VPS37A: variants seen among roughly 807,000 people sequenced by gnomAD.
VPS37A encodes the protein vacuolar protein sorting-associated protein 37A.
In VPS37A, 30 loss-of-function variants were observed where a neutral mutation model predicts 49.8. The observed-to-expected ratio is 0.60, with a 90% CI of 0.45 to 0.82. The LOEUF is 0.82. Ranked by LOEUF, VPS37A falls within the 40% of genes least tolerant of loss-of-function variation. The pLI, the probability that VPS37A is intolerant of heterozygous loss-of-function variation, is 0.00. For synonymous variants in VPS37A, 195 were observed against 160.6 expected (o/e 1.21, Z -1.62); for missense variants, 593 against 464.4 (o/e 1.28, Z -2.55).
chr8:17,325,936 C>G, the VPS37A span, among the ~76,000 whole-genome samples: 8 of 152,174 alleles, frequency 5.3e-5, no homozygotes, highest in Non-Finnish European at 1.2e-4. Context: ...TATTGCTTCC[C>G]AAGAGAAAGC....
chr8:17,263,655 TA>T (rs1813169951), intron 1 of VPS37A, among the ~76,000 whole-genome samples: 1 of 152,194 alleles, frequency 6.6e-6, no homozygotes, highest in African/African-American at 2.4e-5. Context: ...AAATTTTCTA[TA>T]AAAATCTGAA....
intron 1 of VPS37A, among the ~76,000 whole-genome samples, chr8:17,252,161 C>A (rs1210208465): frequency 1.3e-5 from 2 of 152,180 alleles, no homozygotes; most frequent in East Asian, 3.9e-4. Flanking sequence ...ATTAAAATTT[C>A]CAGGTTTCCT....
At position 17,284,475 on chromosome 8, in the gene VPS37A, C is replaced by G. The variant is rs1815399331; in HGVS notation, c.972C>G (p.Ser324Arg). ...KMQRQHELSE[S>R]CSASALQARL... ...TAGTGCCTGATTTTCTTTTTCAGAGCTGTAGTGCAAGTGCCCTTCAGGCAA... is the reference window on the plus strand; with the variant it reads ...TAGTGCCTGATTTTCTTTTTCAGAGGTGTAGTGCAAGTGCCCTTCAGGCAA... Residue 324 changes from serine to arginine, a missense_variant and splice_region_variant, in exon 10 of 12, where the codon AGC (serine) becomes AGG (arginine). Coordinates refer to ENST00000324849, the MANE Select transcript of VPS37A (RefSeq NM_152415.3). 1 of 1,569,832 alleles carries G rather than the reference C, an allele frequency of 6.4e-7. No individual in the cohort carries two copies. Among genetic ancestry groups the G allele is most frequent in the African/African-American group, 1.4e-5 (1 of 71,804 alleles).
At chr8:17,255,919 T>C (rs1292825510) in intron 1 of VPS37A, among the ~76,000 whole-genome samples, 2 of 152,236 alleles carry the variant, frequency 1.3e-5, no homozygotes, top group East Asian at 3.8e-4. Context: ...ATGCCACATT[T>C]TCTTTATCCA....
chr8:17,282,172 T>C (rs1815123844), intron 9 of VPS37A, among the ~76,000 whole-genome samples: 1 of 152,082 alleles, frequency 6.6e-6, no homozygotes, highest in African/African-American at 2.4e-5. Flanking sequence ...TAAAACAGTA[T>C]AGTAGTTTTA....
intron 6 of VPS37A, 185 bp from the exon 7 acceptor site, chr8:17,279,843 G>T (rs1334151000): frequency 5.6e-6 from 4 of 712,382 alleles, no homozygotes; most frequent in Non-Finnish European, 9.8e-6. Context: ...ATTACAGACT[G>T]CTCTATGTTC....
the VPS37A span, among the ~76,000 whole-genome samples, chr8:17,330,814 T>C: frequency 1.3e-5 from 2 of 152,190 alleles, no homozygotes; most frequent in African/African-American, 4.8e-5. Context: ...GTTATTGCTT[T>C]AAATGTAGGA....
chr8:17,322,011 AG>A, the VPS37A span, among the ~76,000 whole-genome samples: 1 of 119,322 alleles, frequency 8.4e-6, no homozygotes, highest in African/African-American at 4.1e-5. Context: ...GGGGTCAGTG[AG>A]GGTGCAGAAA....
downstream of VPS37A, chr8:17,298,526 A>G (rs1298325172): frequency 6.6e-6 from 1 of 152,536 alleles, no homozygotes; most frequent in Non-Finnish European, 1.5e-5. Context: ...ATTTCAGCGA[A>G]ATGTAATAAT....
Position 17,286,281 on chromosome 8 carries a change from T to G in VPS37A, c.1114-66T>G. 3.1e-6 allele frequency: 4 copies of G among 1,291,554 alleles called. No individual in the cohort carries two copies. In the Admixed American group the frequency reaches 6.0e-5, roughly 19 times the overall value. The allele number at this position is 1,291,554 out of a possible 1,614,324, so 80.0% of individuals were successfully genotyped here. On this transcript the variant is annotated intron_variant, in intron 10 of 11. Coordinates refer to ENST00000324849, the MANE Select transcript of VPS37A (RefSeq NM_152415.3). ...AAGTTAAAAGCTTCCTGTCATACTG[T>G]TGGAAGTAAAGTAGTAGGCATATCT...
At chr8:17,302,313 C>T, downstream of VPS37A, 1 of 1,585,860 alleles carries the variant, frequency 6.3e-7, no homozygotes, top group African/African-American at 1.4e-5. Context: ...GTGATACCAC[C>T]TTATCACAGT....
chr8:17,279,931 C>A, intron 6 of VPS37A, 97 bp from the exon 7 acceptor site: 1 of 1,493,640 alleles, frequency 6.7e-7, no homozygotes, highest in Non-Finnish European at 9.3e-7. Flanking sequence ...TATTTAGAAC[C>A]CTATCAGTTA....
downstream of VPS37A, among the ~76,000 whole-genome samples, chr8:17,306,184 A>G (rs548602153): frequency 6.6e-6 from 1 of 152,316 alleles, no homozygotes; most frequent in East Asian, 1.9e-4. Flanking sequence ...TATAGTTACA[A>G]AAGAAAGTGT....
the VPS37A span, among the ~76,000 whole-genome samples, chr8:17,308,302 G>A: frequency 2.6e-5 from 4 of 152,130 alleles, no homozygotes; most frequent in South Asian, 2.1e-4. Context: ...ACTGCCTAGC[G>A]TGTAATATTA....
chr8:17,274,540 T>C (rs1387736608), intron 4 of VPS37A, among the ~76,000 whole-genome samples, 193 bp from the exon 5 acceptor site: 3 of 145,096 alleles, frequency 2.1e-5, no homozygotes, highest in African/African-American at 7.5e-5. Flanking sequence ...TTCTTTTTTT[T>C]CGGGGGGGTG....
At chr8:17,316,464 TAA>T in the VPS37A span, among the ~76,000 whole-genome samples, 142 of 143,466 alleles carry the variant, frequency 9.9e-4, no homozygotes, top group Admixed American at 2.5e-3. Flanking sequence ...AACAGTACAG[TAA>T]AAAAAAAAAA....
At chr8:17,270,062 C>G (rs1813831071) in intron 4 of VPS37A, among the ~76,000 whole-genome samples, 1 of 151,816 alleles carries the variant, frequency 6.6e-6, no homozygotes, top group African/African-American at 2.4e-5. Context: ...GGTACCACAC[C>G]CTTTTAAACA....
At chr8:17,283,254 C>T (rs1218657567) in intron 9 of VPS37A, among the ~76,000 whole-genome samples, 17 of 152,114 alleles carry the variant, frequency 1.1e-4, no homozygotes, top group Admixed American at 1.0e-3. Flanking sequence ...CTCCCAGGCT[C>T]AAGCGATCCT....
downstream of VPS37A, among the ~76,000 whole-genome samples, chr8:17,300,665 T>G (rs1044062405): frequency 6.6e-6 from 1 of 152,226 alleles, no homozygotes; most frequent in Non-Finnish European, 1.5e-5. Context: ...TTCAGTGGTT[T>G]TTAGTTATAT....
Sources: allele counts gnomAD v4.1 joint callset (sites outside exome capture counted in the v4.1 genomes callset), GRCh38; gene constraint gnomAD v4.1.1; transcripts MANE v1.5; gene names NCBI Gene and HGNC (gene_info 2026-07-23, HGNC 2026-07-21).